Variants in ZZZ3 observed in about 807,000 individuals in gnomAD.
The protein encoded by ZZZ3 is ZZ-type zinc finger-containing protein 3.
In ZZZ3, 22 loss-of-function variants were observed where a neutral mutation model predicts 95.2. The ratio of observed to expected loss-of-function variants is 0.23; its 90% CI spans 0.17 to 0.33. The LOEUF (loss-of-function observed/expected upper bound fraction) is 0.33. Among genes scored for constraint, ZZZ3 ranks in the 10% least tolerant of loss-of-function variants. The pLI is 1.00. For synonymous variants in ZZZ3, 335 were observed against 358.9 expected (o/e 0.93, Z 0.75); for missense variants, 885 against 1,066.5 (o/e 0.83, Z 2.37).
intron 5 of ZZZ3, among the ~76,000 whole-genome samples, chr1:77,625,709 G>C (rs1667270790): frequency 1.3e-5 from 2 of 152,036 alleles, no homozygotes; most frequent in African/African-American, 2.4e-5. Flanking sequence ...AAAAGGTTAA[G>C]CCAGGCATGG....
At chr1:77,659,484 T>C (rs1285729783) in intron 1 of ZZZ3, among the ~76,000 whole-genome samples, 1 of 151,584 alleles carries the variant, frequency 6.6e-6, no homozygotes, top group Non-Finnish European at 1.5e-5. Flanking sequence ...GCCAACATGG[T>C]GAAACCCACC....
intron 5 of ZZZ3, among the ~76,000 whole-genome samples, chr1:77,609,989 C>A (rs1055091104): frequency 6.6e-6 from 1 of 151,316 alleles, no homozygotes; most frequent in Non-Finnish European, 1.5e-5. Flanking sequence ...GCAAACCAAA[C>A]CCAAAATTAG....
At chr1:77,654,934 CCA>C (rs1670137423) in intron 1 of ZZZ3, among the ~76,000 whole-genome samples, 1 of 152,092 alleles carries the variant, frequency 6.6e-6, no homozygotes, top group Non-Finnish European at 1.5e-5. Flanking sequence ...CAGGTATAAG[CCA>C]CCACACCGAG....
At chr1:77,572,933 A>C (rs1157075346) in intron 12 of ZZZ3, among the ~76,000 whole-genome samples, 1 of 151,968 alleles carries the variant, frequency 6.6e-6, no homozygotes, top group Non-Finnish European at 1.5e-5. Context: ...GCTGTGAGCC[A>C]CCACACCTAG....
At chr1:77,604,881 C>T (rs1392519043) in intron 5 of ZZZ3, among the ~76,000 whole-genome samples, 1 of 152,168 alleles carries the variant, frequency 6.6e-6, no homozygotes, top group Non-Finnish European at 1.5e-5. Flanking sequence ...ACACGTATCC[C>T]TGCCAACACA....
At chr1:77,629,373 T>G (rs1667592285) in intron 5 of ZZZ3, among the ~76,000 whole-genome samples, 1 of 152,112 alleles carries the variant, frequency 6.6e-6, no homozygotes, top group African/African-American at 2.4e-5. Context: ...ATCCCAGCAC[T>G]TTGGGAGGCC....
At chr1:77,575,630 G>A (rs555824853) in intron 12 of ZZZ3, among the ~76,000 whole-genome samples, 2 of 152,202 alleles carry the variant, frequency 1.3e-5, no homozygotes, top group South Asian at 4.1e-4. Context: ...AGGGAAAAAA[G>A]GAAAGTGAAA....
chr1:77,617,216 C>G (rs928210732), intron 5 of ZZZ3, among the ~76,000 whole-genome samples: 1 of 152,110 alleles, frequency 6.6e-6, no homozygotes, highest in African/African-American at 2.4e-5. Context: ...TGTTGTGCAA[C>G]CATCACCATT....
intron 1 of ZZZ3, among the ~76,000 whole-genome samples, chr1:77,671,062 TC>T (rs1671746732): frequency 6.6e-6 from 1 of 151,646 alleles, no homozygotes; most frequent in African/African-American, 2.4e-5. Context: ...TGTGAGGACA[TC>T]TGCCAGCAAC....
At chr1:77,668,183 A>G (rs1027930736) in intron 1 of ZZZ3, among the ~76,000 whole-genome samples, 2 of 152,178 alleles carry the variant, frequency 1.3e-5, no homozygotes, top group Non-Finnish European at 2.9e-5. Context: ...TGTAATTTAA[A>G]TAACAGGTTT....
Position 77,633,225 on chromosome 1 carries a change from G to C in ZZZ3, c.130C>G (p.Gln44Glu), listed in dbSNP as rs750168417. The C allele has an allele frequency of 6.2e-7, 1 of 1,614,058 alleles. No homozygotes were observed. The highest frequency in any genetic ancestry group is 2.2e-5 in the East Asian group (1 of 44,864). ...AHPEEISSNS[Q>E]VRSRSPKKRP... Reference sequence around the variant, plus strand: ...TTCTTTGGTGATCTTGATCGTACTTGAGAATTAGAAGAGATTTCTTCAGGA... The same window carrying C: ...TTCTTTGGTGATCTTGATCGTACTTCAGAATTAGAAGAGATTTCTTCAGGA... Residue 44 changes from glutamine to glutamate, a missense_variant, in exon 5 of 15, where the codon CAA becomes GAA. This residue lies in a region of ZZZ3 where 556 missense variants were observed against 652.9 expected (regional missense o/e 0.85). Transcript: ENST00000370801.
At chr1:77,649,073 G>A (rs1186345607) in intron 1 of ZZZ3, among the ~76,000 whole-genome samples, 3 of 152,148 alleles carry the variant, frequency 2.0e-5, no homozygotes, top group African/African-American at 7.2e-5. Context: ...GCTGTAATGA[G>A]CCGAGATTGC....
chr1:77,631,762 G>A, intron 5 of ZZZ3, 88 bp downstream of exon 5: 2 of 1,057,026 alleles, frequency 1.9e-6, no homozygotes, highest in Non-Finnish European at 2.7e-6. Context: ...ATTAATTTTG[G>A]CTGTAATAAA....
At chr1:77,576,609 A>C (rs1225386541) in intron 11 of ZZZ3, among the ~76,000 whole-genome samples, 1 of 152,204 alleles carries the variant, frequency 6.6e-6, no homozygotes. Context: ...AAAAAGTAAA[A>C]GGAAAATTTC....
intron 5 of ZZZ3, among the ~76,000 whole-genome samples, chr1:77,625,671 G>C (rs1228457366): frequency 4.6e-5 from 7 of 152,062 alleles, no homozygotes; most frequent in African/African-American, 1.4e-4. Context: ...CATAACCTCT[G>C]TCAAAAAGAT....
At chr1:77,673,683 T>C (rs1350920767) in intron 1 of ZZZ3, among the ~76,000 whole-genome samples, 1 of 152,202 alleles carries the variant, frequency 6.6e-6, no homozygotes, top group African/African-American at 2.4e-5. Flanking sequence ...TGATTCCCAA[T>C]TTTTTACCAG....
intron 5 of ZZZ3, among the ~76,000 whole-genome samples, chr1:77,613,242 G>A (rs765210789): frequency 1.3e-5 from 2 of 151,896 alleles, no homozygotes; most frequent in Non-Finnish European, 2.9e-5. Flanking sequence ...ATAGAATACA[G>A]GGATTACTCT....
chr1:77,615,109 T>C (rs2100752844), intron 5 of ZZZ3, among the ~76,000 whole-genome samples: 3 of 152,368 alleles, frequency 2.0e-5, no homozygotes, highest in East Asian at 1.9e-4. Flanking sequence ...TTACAATTGA[T>C]GATCAATAGA....
chr1:77,609,534 A>G (rs578179274), intron 5 of ZZZ3, among the ~76,000 whole-genome samples: 1 of 152,242 alleles, frequency 6.6e-6, no homozygotes, highest in African/African-American at 2.4e-5. Context: ...CTATAGACCG[A>G]CCAAATGGAC....
Sources: allele counts gnomAD v4.1 joint callset (sites outside exome capture counted in the v4.1 genomes callset), GRCh38; gene constraint gnomAD v4.1.1; regional missense constraint gnomAD v4.1.1; transcripts MANE v1.5; gene names NCBI Gene and HGNC (gene_info 2026-07-23, HGNC 2026-07-21).